The following CDH2 variants were observed in gnomAD, a reference collection of about 807,000 sequenced individuals.
The protein encoded by CDH2 is cadherin 2, also known as cadherin-2.
In CDH2, 17 loss-of-function variants were observed where a neutral mutation model predicts 92.0. That is an observed-to-expected ratio of 0.18 (90% CI 0.13 to 0.28). CDH2 has a LOEUF of 0.28. Among genes scored for constraint, CDH2 ranks in the 10% least tolerant of loss-of-function variants. The probability of loss-of-function intolerance (pLI) is 1.00; values close to 1 mark genes in which losing one functional copy is unlikely to be tolerated. For synonymous variants in CDH2, 419 were observed against 415.9 expected (o/e 1.01, Z -0.09); for missense variants, 862 against 1,133.1 (o/e 0.76, Z 3.44).
intron 2 of CDH2, among the ~76,000 whole-genome samples, chr18:28,144,155 A>G (rs1298669981): frequency 6.6e-6 from 1 of 151,860 alleles, no homozygotes; most frequent in Non-Finnish European, 1.5e-5. Flanking sequence ...CCCAGAACTT[A>G]AAGTAAAATT....
intron 1 of CDH2, 86 bp downstream of exon 1, chr18:28,176,877 G>T: frequency 2.8e-6 from 2 of 717,724 alleles, no homozygotes; most frequent in Non-Finnish European, 3.5e-6. Flanking sequence ...GCGCAGCCCG[G>T]CCCCGCAGCG....
At chr18:28,035,115 G>A (rs2013794106) in intron 2 of CDH2, among the ~76,000 whole-genome samples, 1 of 152,028 alleles carries the variant, frequency 6.6e-6, no homozygotes, top group African/African-American at 2.4e-5. Flanking sequence ...TTCCTTAGGA[G>A]ATATGTGGCA....
At chr18:28,083,739 T>C (rs180862417) in intron 2 of CDH2, among the ~76,000 whole-genome samples, 114 of 152,288 alleles carry the variant, frequency 7.5e-4, no homozygotes, top group African/African-American at 2.6e-3. Context: ...AAAATATAAA[T>C]ATACACCCTA....
intron 2 of CDH2, among the ~76,000 whole-genome samples, chr18:28,084,366 A>G (rs940402756): frequency 1.1e-4 from 17 of 152,146 alleles, no homozygotes; most frequent in African/African-American, 3.9e-4. Context: ...ATACAACAGT[A>G]CAAAATAGTA....
intron 14 of CDH2, among the ~76,000 whole-genome samples, chr18:27,976,664 T>C (rs2011841459): frequency 6.6e-6 from 1 of 152,198 alleles, no homozygotes. Context: ...CTAATGTATA[T>C]TTCAATAACG....
intron 2 of CDH2, among the ~76,000 whole-genome samples, chr18:28,145,258 G>A (rs984175651): frequency 1.3e-5 from 2 of 152,020 alleles, no homozygotes; most frequent in African/African-American, 2.4e-5. Context: ...TAGGAGTTAC[G>A]ATTCCAACAG....
intron 14 of CDH2, among the ~76,000 whole-genome samples, chr18:27,965,685 C>T (rs1340233484): frequency 2.0e-5 from 3 of 151,998 alleles, no homozygotes; most frequent in Non-Finnish European, 2.9e-5. Flanking sequence ...ATGTGAAAGT[C>T]CTTGAACTGT....
chr18:27,939,648 C>A (rs1052086782), intron 6 of CDH2, among the ~76,000 whole-genome samples: 1 of 152,186 alleles, frequency 6.6e-6, no homozygotes, highest in Non-Finnish European at 1.5e-5. Flanking sequence ...TCAAGGACTT[C>A]TTTGTCTAGT....
intron 6 of CDH2, among the ~76,000 whole-genome samples, chr18:28,004,456 C>G (rs2012856441): frequency 6.6e-6 from 1 of 152,158 alleles, no homozygotes; most frequent in Non-Finnish European, 1.5e-5. Context: ...AAGAAATATA[C>G]TCACAATATG....
At chr18:28,108,837 AG>A (rs1015345677) in intron 2 of CDH2, among the ~76,000 whole-genome samples, 4 of 151,984 alleles carry the variant, frequency 2.6e-5, no homozygotes, top group Middle Eastern at 3.4e-3. Flanking sequence ...CGTAGAAGCA[AG>A]GGTGTCTAAA....
intron 2 of CDH2, among the ~76,000 whole-genome samples, chr18:28,134,289 A>G (rs949714929): frequency 6.6e-6 from 1 of 152,178 alleles, no homozygotes; most frequent in Admixed American, 6.5e-5. Context: ...TTTCTTAAAT[A>G]GAAGACATTC....
intron 2 of CDH2, among the ~76,000 whole-genome samples, chr18:28,126,602 G>C (rs1269238354): frequency 6.6e-6 from 1 of 151,968 alleles, no homozygotes; most frequent in Non-Finnish European, 1.5e-5. Flanking sequence ...AGGTCAGGGG[G>C]CTTCTAATCT....
At chr18:28,091,408 C>T (rs1350807694) in intron 2 of CDH2, among the ~76,000 whole-genome samples, 1 of 152,132 alleles carries the variant, frequency 6.6e-6, no homozygotes, top group Non-Finnish European at 1.5e-5. Flanking sequence ...AGCTAGTGGA[C>T]TTTGTCCTTC....
chr18:28,034,438 T>C (rs1296818170), intron 2 of CDH2, among the ~76,000 whole-genome samples: 2 of 152,048 alleles, frequency 1.3e-5, no homozygotes, highest in Non-Finnish European at 2.9e-5. Flanking sequence ...ATATATTTTT[T>C]TTCTGGTTTT....
At chr18:28,136,429 G>A (rs1035707228) in intron 2 of CDH2, among the ~76,000 whole-genome samples, 5 of 148,658 alleles carry the variant, frequency 3.4e-5, no homozygotes, top group South Asian at 2.2e-4. Context: ...AAGAATCTTC[G>A]TCGCAATTTG....
intron 2 of CDH2, among the ~76,000 whole-genome samples, chr18:28,111,224 A>G (rs1245574751): frequency 6.6e-6 from 1 of 152,204 alleles, no homozygotes; most frequent in Admixed American, 6.5e-5. Context: ...AAGCCTCCGC[A>G]GCTTAGCCTC....
At chr18:28,052,301 G>GT (rs1360105901) in intron 2 of CDH2, among the ~76,000 whole-genome samples, 2 of 152,096 alleles carry the variant, frequency 1.3e-5, no homozygotes, top group East Asian at 3.9e-4. Flanking sequence ...ATCAATATCT[G>GT]TATCAAACTT....
chr18:27,965,990 G>GAAAAAAAAAAAAAAAAAAAAAAAAAAA lies in CDH2; in HGVS notation c.2350-2470_2350-2469insTTTTTTTTTTTTTTTTTTTTTTTTTTT. 3.4e-5 allele frequency among the ~76,000 whole-genome samples: 2 copies of GAAAAAAAAAAAAAAAAAAAAAAAAAAA among 58,660 alleles called. 1 individual carries two copies. Among genetic ancestry groups the GAAAAAAAAAAAAAAAAAAAAAAAAAAA allele is most frequent in the Non-Finnish European group, 5.9e-5 (2 of 33,712 alleles). 38.5% of individuals were successfully genotyped at this position (58,660 alleles called of 152,430 possible). A position where few individuals can be genotyped will look rare whatever the true frequency, so the allele number is the denominator to read the frequency against. ...GCGACAGAAAGACTCTGTCTAAAAG[G>GAAAAAAAAAAAAAAAAAAAAAAAAAAA]AAAAAAAAAAAAAAAAAAAAAAAAA... is the stretch of plus-strand genomic sequence containing the variant. On this transcript the variant is annotated intron_variant, in intron 14 of 15. Transcript: ENST00000269141.
intron 1 of CDH2, among the ~76,000 whole-genome samples, chr18:28,176,063 G>T (rs1034429978): frequency 1.3e-5 from 2 of 152,238 alleles, no homozygotes; most frequent in Non-Finnish European, 2.9e-5. Context: ...GTGCAGTGGC[G>T]AGGGAACCTG....
Sources: gnomAD v4.1 joint callset for allele counts (sites outside exome capture counted in the v4.1 genomes callset) on GRCh38, gnomAD v4.1.1 for gene constraint, MANE v1.5 for transcripts, NCBI Gene and HGNC (gene_info 2026-07-23, HGNC 2026-07-21) for gene names.